Variants in ANTXR2 observed in about 807,000 individuals in gnomAD.
The protein encoded by ANTXR2 is anthrax toxin receptor 2.
Under a neutral mutation model 73.7 loss-of-function variants are expected in ANTXR2, and 44 were observed. The ratio of observed to expected loss-of-function variants is 0.60; its 90% CI spans 0.47 to 0.77. ANTXR2 has a LOEUF of 0.77. Ranked by LOEUF, ANTXR2 falls within the 30% of genes least tolerant of loss-of-function variation. ANTXR2 has a pLI of 0.00. For synonymous variants in ANTXR2, 217 were observed against 205.9 expected (o/e 1.05, Z -0.46); for missense variants, 604 against 592.5 (o/e 1.02, Z -0.20).
intron 13 of ANTXR2, 111 bp from the exon 14 acceptor site, chr4:79,984,081 AAACTATGTATAG>A: frequency 1.3e-6 from 1 of 769,144 alleles, no homozygotes; most frequent in South Asian, 1.8e-5. Flanking sequence ...ACTATGGAAA[AAACTATGTATAG>A]AACATGTGGA....
At chr4:79,914,028 G>A (rs1727250174) in intron 16 of ANTXR2, among the ~76,000 whole-genome samples, 1 of 151,898 alleles carries the variant, frequency 6.6e-6, no homozygotes, top group African/African-American at 2.4e-5. Context: ...TCTTCTCGTC[G>A]ATCTACATAA....
intron 12 of ANTXR2, among the ~76,000 whole-genome samples, chr4:79,987,609 A>T (rs981526061): frequency 1.3e-5 from 2 of 152,328 alleles, no homozygotes; most frequent in Admixed American, 1.3e-4. Context: ...AGGCATGCAC[A>T]TTCAGGAAAT....
intron 12 of ANTXR2, among the ~76,000 whole-genome samples, chr4:80,000,526 C>A (rs954192078): frequency 7.9e-5 from 12 of 152,048 alleles, no homozygotes; most frequent in Admixed American, 7.2e-4. Flanking sequence ...AGAATACACA[C>A]AGTACCTGCC....
At chr4:80,068,093 A>C (rs1349634368) in intron 3 of ANTXR2, among the ~76,000 whole-genome samples, 4 of 152,224 alleles carry the variant, frequency 2.6e-5, no homozygotes, top group Non-Finnish European at 5.9e-5. Flanking sequence ...CTCTAGGAAA[A>C]GGAAAACTAA....
At chr4:80,031,801 G>A in intron 9 of ANTXR2, 109 bp from the exon 10 acceptor site, 1 of 530,398 alleles carries the variant, frequency 1.9e-6, no homozygotes, top group Non-Finnish European at 3.0e-6. Flanking sequence ...TGGAATACTA[G>A]ATATATTAAC....
In ANTXR2 at chr4:79,903,726, T is replaced by C. The variant is rs1726800562; in HGVS notation, c.*3703A>G. On this transcript the variant is annotated 3_prime_UTR_variant, in exon 17 of 17. Transcript: ENST00000403729. ...CTGCACTGACTTTATTTCCTACAAA[T>C]AGACAACATTCTCCAGCCTCACCTG... 6.6e-6 allele frequency: 1 copy of C among 152,314 alleles called. No individual in the cohort carries two copies. The highest frequency in any genetic ancestry group is 2.4e-5 in the African/African-American group (1 of 41,586). The allele number at this position is 152,314 out of a possible 1,614,324, so 9.4% of individuals were successfully genotyped here.
intron 6 of ANTXR2, 96 bp downstream of exon 6, chr4:80,055,054 C>T (rs563205058): frequency 1.8e-6 from 2 of 1,103,938 alleles, no homozygotes; most frequent in East Asian, 2.7e-5. Flanking sequence ...AACAATCGAC[C>T]AGTGTCACAA....
At chr4:80,058,712 G>A (rs1380797900) in intron 3 of ANTXR2, among the ~76,000 whole-genome samples, 3 of 150,930 alleles carry the variant, frequency 2.0e-5, no homozygotes, top group African/African-American at 4.9e-5. Flanking sequence ...AAGCGAAAAT[G>A]ACTAAAATTT....
chr4:80,042,488 T>C (rs528154328), intron 7 of ANTXR2, among the ~76,000 whole-genome samples: 1 of 152,086 alleles, frequency 6.6e-6, no homozygotes, highest in Non-Finnish European at 1.5e-5. Flanking sequence ...ATGTTAGCCT[T>C]TGGTCCTCTC....
intron 3 of ANTXR2, 85 bp downstream of exon 3, chr4:80,069,351 G>T: frequency 9.3e-7 from 1 of 1,076,088 alleles, no homozygotes; most frequent in Non-Finnish European, 1.4e-6. Flanking sequence ...CCACTGAGAG[G>T]CCTGAATCAC....
intron 16 of ANTXR2, among the ~76,000 whole-genome samples, chr4:79,917,460 T>C (rs1727399924): frequency 1.3e-5 from 2 of 152,274 alleles, no homozygotes; most frequent in Non-Finnish European, 1.5e-5. Context: ...AGTCCAAGTC[T>C]GCAGGCAGAA....
intron 12 of ANTXR2, among the ~76,000 whole-genome samples, chr4:79,992,804 A>G (rs374551828): frequency 5.3e-5 from 8 of 152,056 alleles, no homozygotes; most frequent in South Asian, 2.1e-4. Flanking sequence ...ATTCCTTCCT[A>G]TCTTCCCTGT....
intron 16 of ANTXR2, among the ~76,000 whole-genome samples, chr4:79,961,208 GTAAT>G (rs1449044658): frequency 6.6e-6 from 1 of 151,650 alleles, no homozygotes. Flanking sequence ...AGAAATTATA[GTAAT>G]TTATTTAAAT....
rs186394514 is a variant in ANTXR2 at position 79,957,672 on chromosome 4, T to C, written c.1428+19949A>G. Among the ~76,000 whole-genome samples the C allele has an allele frequency of 4.4e-3, 673 of 152,190 alleles. 9 individuals carry two copies. Among genetic ancestry groups the C allele is most frequent in the African/African-American group, 0.015 (641 of 41,560 alleles). ...GAGATATAATCCGAAAATCATACTTTTGAAGTTTAGAGCCTTATCTGTTTT... is the reference window on the plus strand; with the variant it reads ...GAGATATAATCCGAAAATCATACTTCTGAAGTTTAGAGCCTTATCTGTTTT... On this transcript the variant is annotated intron_variant, in intron 16 of 16. Transcript: ENST00000403729.
At chr4:79,915,860 C>A (rs76097972) in intron 16 of ANTXR2, among the ~76,000 whole-genome samples, 43,276 of 120,062 alleles carry the variant, frequency 0.36, 7,337 homozygotes, top group Middle Eastern at 0.43. Context: ...CTCTCTCTCT[C>A]TCTATATATA....
At chr4:79,959,364 G>T (rs2109992390) in intron 16 of ANTXR2, among the ~76,000 whole-genome samples, 1 of 152,148 alleles carries the variant, frequency 6.6e-6, no homozygotes, top group South Asian at 2.1e-4. Context: ...AACAAGTAAA[G>T]ATAACAGAAA....
chr4:80,022,204 C>G (rs1238366973), intron 10 of ANTXR2, among the ~76,000 whole-genome samples: 1 of 152,162 alleles, frequency 6.6e-6, no homozygotes, highest in Non-Finnish European at 1.5e-5. Flanking sequence ...TAGCTTTTTA[C>G]TACATTCACA....
chr4:80,012,637 AGTCAGGG>A (rs1731643294), intron 11 of ANTXR2, among the ~76,000 whole-genome samples: 1 of 152,174 alleles, frequency 6.6e-6, no homozygotes, highest in African/African-American at 2.4e-5. Flanking sequence ...GGAAGTGTTC[AGTCAGGG>A]GGTGGGGGAG....
At chr4:80,039,012 C>A (rs1437758153) in intron 7 of ANTXR2, among the ~76,000 whole-genome samples, 1 of 151,972 alleles carries the variant, frequency 6.6e-6, no homozygotes, top group East Asian at 1.9e-4. Context: ...CCAATAAATG[C>A]TTAAGGAATA....
Sources: allele counts gnomAD v4.1 joint callset (sites outside exome capture counted in the v4.1 genomes callset), GRCh38; gene constraint gnomAD v4.1.1; transcripts MANE v1.5; gene names NCBI Gene and HGNC (gene_info 2026-07-23, HGNC 2026-07-21).